Variants in FBN2 observed in about 807,000 individuals in gnomAD.
FBN2 encodes the protein fibrillin-2.
A neutral mutation model predicts 355.6 loss-of-function variants in FBN2; 105 were observed. The ratio of observed to expected loss-of-function variants is 0.30; its 90% CI spans 0.25 to 0.35. The LOEUF is 0.35. Among genes scored for constraint, FBN2 ranks in the 10% least tolerant of loss-of-function variants. The pLI is 1.00. For missense variants in FBN2, 3,280 were observed against 3,758.7 expected (o/e 0.87, Z 3.33); for synonymous variants, 1,350 against 1,301.2 (o/e 1.04, Z -0.81).
In FBN2 at chr5:128,288,533, T is replaced by C. The variant is rs548486102; in HGVS notation, c.6662A>G (p.Asn2221Ser). Residue 2221 changes from asparagine to serine, a missense_variant, in exon 53 of 65, where the codon AAT becomes AGT. Asn to Ser is a conservative substitution (Grantham distance 46, BLOSUM62 1). This residue lies in a region of FBN2 where 2,284 missense variants were observed against 2,749.5 expected (regional missense o/e 0.83). Coordinates refer to ENST00000262464, the MANE Select transcript of FBN2 (RefSeq NM_001999.4). The part of the protein sequence containing the change: ...CVDTDECSIG[N>S]PCGNGTCTNV... Reference sequence around the variant, plus strand: ...GGTGCATGTACCATTTCCACACGGATTGCCGATTGAACACTCATCAGTATC... The same window carrying C: ...GGTGCATGTACCATTTCCACACGGACTGCCGATTGAACACTCATCAGTATC... The C allele has an allele frequency of 1.9e-6, 3 of 1,613,944 alleles. No homozygotes were observed. The highest frequency in any genetic ancestry group is 1.1e-5 in the South Asian group (1 of 91,082).
intron 48 of FBN2, among the ~76,000 whole-genome samples, chr5:128,297,913 T>G (rs559592832): frequency 6.6e-6 from 1 of 152,132 alleles, no homozygotes; most frequent in South Asian, 2.1e-4. Context: ...CGTTAGTTGA[T>G]GCAGTTTCTT....
intron 52 of FBN2, 89 bp downstream of exon 52, chr5:128,289,038 C>T (rs1581190416): frequency 1.5e-6 from 2 of 1,357,506 alleles, no homozygotes; most frequent in Admixed American, 3.4e-5. Flanking sequence ...GTAAATCCCC[C>T]CATCACCCAG....
intron 32 of FBN2, 93 bp downstream of exon 32, chr5:128,332,819 A>G: frequency 8.2e-7 from 1 of 1,216,942 alleles, no homozygotes; most frequent in Non-Finnish European, 1.2e-6. Context: ...TAAAGGAATT[A>G]ATAAAAGTGA....
chr5:128,368,465 T>TACATATAGATAC (rs1751839773), intron 16 of FBN2, among the ~76,000 whole-genome samples: 1 of 128,212 alleles, frequency 7.8e-6, no homozygotes, highest in Non-Finnish European at 1.5e-5. Flanking sequence ...CACATATATA[T>TACATATAGATAC]ACATATATAT....
chr5:128,430,546 T>TGAAAA (rs1029773766), intron 7 of FBN2, among the ~76,000 whole-genome samples: 3 of 152,086 alleles, frequency 2.0e-5, no homozygotes, highest in Non-Finnish European at 2.9e-5. Context: ...AAAATCATAT[T>TGAAAA]GAAAAAATAA....
intron 5 of FBN2, among the ~76,000 whole-genome samples, chr5:128,515,685 A>G (rs1306746090): frequency 3.3e-5 from 5 of 152,214 alleles, no homozygotes; most frequent in African/African-American, 4.8e-5. Context: ...AACATTTGCA[A>G]CTTGATCTCA....
chr5:128,288,487 T>C lies in FBN2; in HGVS notation c.6708A>G (p.Glu2236=). 6.2e-7 allele frequency: 1 copy of C among 1,614,048 alleles called. No individual in the cohort carries two copies. The highest frequency in any genetic ancestry group is 8.5e-7 in the Non-Finnish European group (1 of 1,179,926). Reference sequence around the variant, plus strand: ...GCTCAAAGCCTTCATTGCAATTGCATTCAAAACTCCCAATAACATTGGTGC... The same window carrying C: ...GCTCAAAGCCTTCATTGCAATTGCACTCAAAACTCCCAATAACATTGGTGC... The part of the protein sequence containing the change: ...GTCTNVIGSF[E]CNCNEGFEPG... Residue 2236 remains glutamate (E), a synonymous_variant, in exon 53 of 65, where the codon GAA becomes GAG. Transcript: ENST00000262464.
At chr5:128,450,643 G>T (rs1004193646) in intron 6 of FBN2, among the ~76,000 whole-genome samples, 3 of 151,658 alleles carry the variant, frequency 2.0e-5, no homozygotes, top group Admixed American at 2.0e-4. Flanking sequence ...TTAAAAAGAA[G>T]AGCAAATTAA....
At chr5:128,396,050 G>C (rs541246443) in intron 8 of FBN2, among the ~76,000 whole-genome samples, 3 of 152,326 alleles carry the variant, frequency 2.0e-5, no homozygotes, top group African/African-American at 4.8e-5. Flanking sequence ...ATTCAGGTGA[G>C]AGATGATGGT....
chr5:128,492,964 T>C (rs1192065086), intron 5 of FBN2, among the ~76,000 whole-genome samples: 1 of 151,612 alleles, frequency 6.6e-6, no homozygotes, highest in Non-Finnish European at 1.5e-5. Context: ...TGAAAAAGAA[T>C]ACAAAGACTA....
chr5:128,334,713 AC>A lies in FBN2; in HGVS notation c.4099+5del, dbSNP rs1467639223. 6.2e-7 allele frequency: 1 copy of A among 1,614,090 alleles called. No homozygotes were observed. Among genetic ancestry groups the A allele is most frequent in the African/African-American group, 1.3e-5 (1 of 75,036 alleles). ...GAAATACAGAGAACACAAGCTTGAA[AC>A]CTACCTGTACATCCTGTGGTCCCCT... On this transcript the variant is annotated splice_donor_5th_base_variant and intron_variant, in intron 31 of 64. Transcript: ENST00000262464.
At chr5:128,355,978 T>A (rs1751489492) in intron 20 of FBN2, among the ~76,000 whole-genome samples, 1 of 152,328 alleles carries the variant, frequency 6.6e-6, no homozygotes, top group Non-Finnish European at 1.5e-5. Flanking sequence ...AAAACTATCT[T>A]TGATGCTCAA....
chr5:128,391,539 T>C (rs1424744108), intron 11 of FBN2, among the ~76,000 whole-genome samples: 1 of 152,216 alleles, frequency 6.6e-6, no homozygotes, highest in African/African-American at 2.4e-5. Context: ...CTTTAATTTC[T>C]AATTAGGTAA....
chr5:128,300,495 G>T (rs1561757263), intron 48 of FBN2, among the ~76,000 whole-genome samples: 1 of 152,190 alleles, frequency 6.6e-6, no homozygotes, highest in Non-Finnish European at 1.5e-5. Context: ...TTAAAACTGG[G>T]TGCCAAAGAT....
intron 11 of FBN2, among the ~76,000 whole-genome samples, chr5:128,382,525 T>TA (rs1157877563): frequency 6.6e-6 from 1 of 152,066 alleles, no homozygotes; most frequent in Non-Finnish European, 1.5e-5. Context: ...CCTAAATCTG[T>TA]AACTCTACCC....
At chr5:128,480,829 T>C (rs1278276324) in intron 5 of FBN2, among the ~76,000 whole-genome samples, 5 of 152,200 alleles carry the variant, frequency 3.3e-5, no homozygotes, top group African/African-American at 1.2e-4. Context: ...CCAAAACACT[T>C]TCCTATGCGT....
intron 11 of FBN2, among the ~76,000 whole-genome samples, chr5:128,387,639 C>T (rs1178146069): frequency 1.3e-5 from 2 of 152,024 alleles, no homozygotes; most frequent in African/African-American, 4.8e-5. Flanking sequence ...CTGTGTCCTA[C>T]AGATTCTGTT....
intron 5 of FBN2, among the ~76,000 whole-genome samples, chr5:128,480,111 A>AAT (rs900636483): frequency 2.8e-5 from 4 of 142,956 alleles, no homozygotes; most frequent in African/African-American, 5.1e-5. Flanking sequence ...CCATATATAT[A>AAT]ATATATATAT....
chr5:128,318,900 T>C lies in FBN2; in HGVS notation c.4573A>G (p.Arg1525Gly), dbSNP rs751101330. ...CICDDGYELD[R>G]TGGNCTDIDE... ...ATACCTGTACAGTTCCCTCCTGTTCTGTCCAATTCATAACCATCATCGCAG... is the reference window on the plus strand; with the variant it reads ...ATACCTGTACAGTTCCCTCCTGTTCCGTCCAATTCATAACCATCATCGCAG... The change falls in exon 35 of 65, where the codon AGA (arginine) becomes GGA (glycine). Residue 1525 changes from arginine (R) to glycine (G), a missense_variant. Around this residue, in one of 6 missense-constraint regions of FBN2, gnomAD observed 2,284 missense variants for 2,749.5 expected, o/e 0.83. Coordinates refer to ENST00000262464, the MANE Select transcript of FBN2 (RefSeq NM_001999.4). The C allele has an allele frequency of 5.6e-6, 9 of 1,613,616 alleles. No individual in the cohort carries two copies. The Admixed American group carries it at 1.5e-4, about 27-fold the overall frequency.
Sources: gnomAD v4.1 joint callset for allele counts (sites outside exome capture counted in the v4.1 genomes callset) on GRCh38, gnomAD v4.1.1 for gene constraint, gnomAD v4.1.1 regional missense constraint, MANE v1.5 for transcripts, NCBI Gene and HGNC (gene_info 2026-07-23, HGNC 2026-07-21) for gene names.